Variants in AGBL1 observed in about 807,000 individuals in gnomAD.
AGBL1 encodes the protein AGBL carboxypeptidase 1, also known as cytosolic carboxypeptidase 4.
A neutral mutation model predicts 118.9 loss-of-function variants in AGBL1; 130 were observed. That is an observed-to-expected ratio of 1.09 (90% CI 0.95 to 1.26). The LOEUF is 1.26. AGBL1 is among the 50% of genes most tolerant of loss of function. The pLI is 0.00. For missense variants in AGBL1, 1,584 were observed against 1,298.1 expected, an observed-to-expected ratio of 1.22 and a Z score of -3.38; for synonymous variants, 555 against 478.9, an observed-to-expected ratio of 1.16 and a Z score of -2.08.
intron 5 of AGBL1, among the ~76,000 whole-genome samples, chr15:86,224,401 A>G (rs1009176895): frequency 1.3e-5 from 2 of 151,992 alleles, no homozygotes; most frequent in African/African-American, 2.4e-5. Flanking sequence ...ACTATTTTCC[A>G]CCCTAAGGAA....
intron 23 of AGBL1, among the ~76,000 whole-genome samples, chr15:86,960,214 G>A (rs1184204628): frequency 6.6e-6 from 1 of 152,052 alleles, no homozygotes; most frequent in African/African-American, 2.4e-5. Flanking sequence ...GGAGTTGATA[G>A]TTGATGGCTC....
At chr15:86,946,156 A>G (rs1479684714) in intron 23 of AGBL1, 1 of 152,190 alleles carries the variant, frequency 6.6e-6, no homozygotes, top group Non-Finnish European at 1.5e-5. Context: ...CCGGGTCACT[A>G]ATTATGATGC....
intron 14 of AGBL1, among the ~76,000 whole-genome samples, chr15:86,270,764 A>G (rs978557003): frequency 5.3e-5 from 8 of 152,220 alleles, no homozygotes; most frequent in African/African-American, 1.9e-4. Context: ...TTGTATGGCT[A>G]TTGTAACAAA....
chr15:86,930,384 G>A (rs1470292511), intron 23 of AGBL1, among the ~76,000 whole-genome samples: 1 of 152,116 alleles, frequency 6.6e-6, no homozygotes, highest in Non-Finnish European at 1.5e-5. Context: ...CGTGAGGCAG[G>A]GAGGGACAGG....
chr15:86,140,569 G>C (rs145060582), intron 1 of AGBL1, among the ~76,000 whole-genome samples: 30 of 152,256 alleles, frequency 2.0e-4, no homozygotes, highest in African/African-American at 7.2e-4. Flanking sequence ...GGTGGAGTGG[G>C]AAGCAAGATT....
chr15:86,230,895 T>C (rs1449141754), intron 6 of AGBL1, among the ~76,000 whole-genome samples: 1 of 152,152 alleles, frequency 6.6e-6, no homozygotes, highest in Non-Finnish European at 1.5e-5. Flanking sequence ...AGGCGGCCTC[T>C]GAGACACAGT....
intron 1 of AGBL1, among the ~76,000 whole-genome samples, chr15:86,110,445 T>C (rs997391985): frequency 2.6e-5 from 4 of 152,186 alleles, no homozygotes; most frequent in African/African-American, 9.7e-5. Flanking sequence ...ATATTTACTA[T>C]TCATTAAGTG....
At chr15:86,237,227 G>C (rs146461688) in intron 6 of AGBL1, among the ~76,000 whole-genome samples, 28 of 152,278 alleles carry the variant, frequency 1.8e-4, no homozygotes, top group African/African-American at 6.7e-4. Context: ...ACTATTGGCT[G>C]ACATAAGGCT....
chr15:86,701,878 T>G (rs1233132079), intron 22 of AGBL1, among the ~76,000 whole-genome samples: 1 of 145,872 alleles, frequency 6.9e-6, no homozygotes, highest in African/African-American at 2.5e-5. Context: ...CCCTTCTCTT[T>G]TTTCTTTCCT....
intron 1 of AGBL1, among the ~76,000 whole-genome samples, chr15:86,130,248 A>G (rs1392487854): frequency 6.6e-6 from 1 of 152,018 alleles, no homozygotes; most frequent in Non-Finnish European, 1.5e-5. Context: ...AACATACACT[A>G]CCACTTTCTC....
intron 21 of AGBL1, among the ~76,000 whole-genome samples, chr15:86,621,773 A>G (rs552252458): frequency 1.3e-5 from 2 of 152,320 alleles, no homozygotes; most frequent in East Asian, 1.9e-4. Context: ...AGTTTCCAGA[A>G]TGGTTGTTGA....
At chr15:86,580,894 A>G (rs926881276) in intron 21 of AGBL1, among the ~76,000 whole-genome samples, 13 of 151,898 alleles carry the variant, frequency 8.6e-5, no homozygotes, top group South Asian at 2.1e-4. Flanking sequence ...CATGCTTCTA[A>G]TATTTGTATT....
chr15:86,766,862 CA>C (rs2078103517), intron 22 of AGBL1, among the ~76,000 whole-genome samples: 1 of 151,894 alleles, frequency 6.6e-6, no homozygotes. Context: ...TACACACACA[CA>C]CACACACCCC....
At chr15:86,709,523 G>A (rs941476086) in intron 22 of AGBL1, among the ~76,000 whole-genome samples, 1 of 152,052 alleles carries the variant, frequency 6.6e-6, no homozygotes, top group East Asian at 1.9e-4. Context: ...TTTCCTTTCT[G>A]TATTTCATGG....
At chr15:86,092,750 T>C (rs1442181351) in intron 1 of AGBL1, among the ~76,000 whole-genome samples, 3 of 152,064 alleles carry the variant, frequency 2.0e-5, no homozygotes, top group East Asian at 1.9e-4. Context: ...CATGATGTGA[T>C]AGAAGGCATC....
intron 3 of AGBL1, among the ~76,000 whole-genome samples, chr15:86,145,962 TC>T (rs2077028151): frequency 6.6e-6 from 1 of 151,950 alleles, no homozygotes; most frequent in African/African-American, 2.4e-5. Context: ...GAATGAGAAG[TC>T]AGTAAAGCAA....
intron 18 of AGBL1, among the ~76,000 whole-genome samples, chr15:86,421,685 G>A (rs2142024626): frequency 6.6e-6 from 1 of 152,288 alleles, no homozygotes; most frequent in African/African-American, 2.4e-5. Context: ...AGACCAATCG[G>A]TGTGCTGTAT....
At position 86,262,874 on chromosome 15, in the gene AGBL1, G is replaced by A; in HGVS notation, c.1066G>A (p.Glu356Lys). Residue 356 changes from glutamate to lysine, a missense_variant, in exon 10 of 23, where the codon GAG (glutamate) becomes AAG (lysine). Glu to Lys is a moderately conservative substitution (Grantham distance 56). Transcript: ENST00000614907. Reference protein sequence around the residue: ...ELMQYEVMCLELSYSFEELQS... With the variant: ...ELMQYEVMCLKLSYSFEELQS... The stretch of plus-strand genomic sequence containing the variant: ...GATGCAATATGAGGTGATGTGTCTT[G>A]AGCTCTCCTATAGCTTTGAGGTAGG... 1.2e-6 allele frequency: 2 copies of A among 1,607,966 alleles called. No individual in the cohort carries two copies. Among genetic ancestry groups the A allele is most frequent in the Non-Finnish European group, 1.7e-6 (2 of 1,177,128 alleles).
intron 5 of AGBL1, among the ~76,000 whole-genome samples, chr15:86,164,185 G>C (rs2077305682): frequency 6.6e-6 from 1 of 152,200 alleles, no homozygotes; most frequent in Admixed American, 6.5e-5. Context: ...TTAAAACTTT[G>C]CTGTCTATTT....
Sources: allele counts gnomAD v4.1 joint callset (sites outside exome capture counted in the v4.1 genomes callset), GRCh38; gene constraint gnomAD v4.1.1; transcripts MANE v1.5; gene names NCBI Gene and HGNC (gene_info 2026-07-23, HGNC 2026-07-21).